CACNA2D1: variants seen among roughly 807,000 people sequenced by gnomAD.
CACNA2D1 encodes voltage-dependent calcium channel subunit alpha-2/delta-1.
A neutral mutation model predicts 171.5 loss-of-function variants in CACNA2D1; 53 were observed. The ratio of observed to expected loss-of-function variants is 0.31; its 90% CI spans 0.25 to 0.39. CACNA2D1 has a LOEUF of 0.39. CACNA2D1 is among the 10% of genes least tolerant of loss of function. CACNA2D1 has a pLI of 1.00. For synonymous variants in CACNA2D1, 442 were observed against 443.1 expected (o/e 1.00, Z 0.03); for missense variants, 903 against 1,299.8 (o/e 0.69, Z 4.69).
chr7:82,136,334 A>G (rs2129077655), intron 5 of CACNA2D1, among the ~76,000 whole-genome samples: 1 of 152,144 alleles, frequency 6.6e-6, no homozygotes, highest in South Asian at 2.1e-4. Context: ...TTGGATAGCT[A>G]TTTTCAATAT....
At chr7:82,313,859 A>T (rs773557584) in intron 3 of CACNA2D1, among the ~76,000 whole-genome samples, 3 of 152,162 alleles carry the variant, frequency 2.0e-5, no homozygotes, top group Non-Finnish European at 4.4e-5. Flanking sequence ...TCTCATTCTC[A>T]TATTTCCTAC....
At chr7:82,001,009 G>T (rs1176757986) in intron 18 of CACNA2D1, among the ~76,000 whole-genome samples, 1 of 151,690 alleles carries the variant, frequency 6.6e-6, no homozygotes, top group Non-Finnish European at 1.5e-5. Context: ...TTGAAATTCT[G>T]AAATTCTCTT....
intron 6 of CACNA2D1, among the ~76,000 whole-genome samples, chr7:82,107,366 C>T (rs529741913): frequency 8.5e-5 from 13 of 152,184 alleles, no homozygotes; most frequent in Admixed American, 8.5e-4. Flanking sequence ...CAAGGCCCGC[C>T]ATCTACCCAG....
intron 3 of CACNA2D1, among the ~76,000 whole-genome samples, chr7:82,195,606 C>A (rs762258227): frequency 1.3e-5 from 2 of 151,660 alleles, no homozygotes; most frequent in Non-Finnish European, 2.9e-5. Flanking sequence ...CTGTCTCTAA[C>A]CCAACATGTT....
At chr7:82,088,760 ATATTG>A (rs1247712221) in intron 6 of CACNA2D1, among the ~76,000 whole-genome samples, 2 of 152,212 alleles carry the variant, frequency 1.3e-5, no homozygotes, top group South Asian at 2.1e-4. Flanking sequence ...ATTTAAAATT[ATATTG>A]TATTTTATAT....
intron 3 of CACNA2D1, among the ~76,000 whole-genome samples, chr7:82,329,827 G>C (rs985027297): frequency 2.0e-5 from 3 of 152,060 alleles, no homozygotes; most frequent in Non-Finnish European, 4.4e-5. Context: ...TTCAAATTAT[G>C]AATGTGGGTT....
chr7:82,271,773 A>G (rs1808664754), intron 3 of CACNA2D1, among the ~76,000 whole-genome samples: 1 of 152,156 alleles, frequency 6.6e-6, no homozygotes, highest in African/African-American at 2.4e-5. Context: ...GCTAATTACA[A>G]TGGAAAACTC....
intron 10 of CACNA2D1, among the ~76,000 whole-genome samples, chr7:82,044,471 T>C (rs1256983210): frequency 6.6e-6 from 1 of 152,180 alleles, no homozygotes; most frequent in Non-Finnish European, 1.5e-5. Context: ...GCAAAAATAA[T>C]AATTCAAATC....
chr7:82,198,674 T>A (rs1585075277), intron 3 of CACNA2D1, among the ~76,000 whole-genome samples: 1 of 152,090 alleles, frequency 6.6e-6, no homozygotes, highest in South Asian at 2.1e-4. Context: ...GAACTTTTTT[T>A]TTTTTTTTTA....
intron 21 of CACNA2D1, among the ~76,000 whole-genome samples, chr7:81,990,755 C>G (rs371918206): frequency 6.6e-6 from 1 of 151,986 alleles, no homozygotes; most frequent in East Asian, 1.9e-4. Context: ...GGAGGAATCA[C>G]AATATTATAG....
intron 5 of CACNA2D1, among the ~76,000 whole-genome samples, chr7:82,117,656 C>CTGG (rs1389906610): frequency 1.3e-5 from 2 of 152,046 alleles, no homozygotes; most frequent in African/African-American, 4.8e-5. Context: ...GACATGGCAG[C>CTGG]ACAGGCCTGT....
intron 10 of CACNA2D1, among the ~76,000 whole-genome samples, chr7:82,038,838 G>A (rs910726935): frequency 6.6e-6 from 1 of 152,164 alleles, no homozygotes. Context: ...CAAGGTGATG[G>A]AGCCCTGAAC....
intron 3 of CACNA2D1, among the ~76,000 whole-genome samples, chr7:82,320,855 T>G (rs1031344771): frequency 6.6e-6 from 1 of 152,022 alleles, no homozygotes; most frequent in East Asian, 1.9e-4. Flanking sequence ...CAGTAGGAGA[T>G]AGCTAAATAA....
intron 7 of CACNA2D1, among the ~76,000 whole-genome samples, chr7:82,083,742 T>C (rs1209858951): frequency 6.6e-6 from 1 of 152,164 alleles, no homozygotes; most frequent in African/African-American, 2.4e-5. Flanking sequence ...AGAAGTTATA[T>C]GGTTTTTACC....
At chr7:82,114,976 T>C (rs935259077) in intron 6 of CACNA2D1, among the ~76,000 whole-genome samples, 3 of 152,108 alleles carry the variant, frequency 2.0e-5, no homozygotes, top group Non-Finnish European at 1.5e-5. Flanking sequence ...CATTTATAAA[T>C]TACTAAATTT....
chr7:82,348,234 T>C (rs975436340), intron 2 of CACNA2D1, among the ~76,000 whole-genome samples: 2 of 152,168 alleles, frequency 1.3e-5, no homozygotes, highest in Admixed American at 1.3e-4. Flanking sequence ...GGTACTTCCA[T>C]AAACTCCATG....
intron 3 of CACNA2D1, among the ~76,000 whole-genome samples, chr7:82,292,161 C>T (rs995493895): frequency 3.3e-5 from 5 of 152,068 alleles, no homozygotes; most frequent in Admixed American, 6.6e-5. Context: ...CTTTATTTTA[C>T]AACTTATTGA....
intron 5 of CACNA2D1, among the ~76,000 whole-genome samples, chr7:82,132,155 A>G (rs1177787772): frequency 1.3e-5 from 2 of 152,110 alleles, no homozygotes; most frequent in Non-Finnish European, 2.9e-5. Flanking sequence ...ATTAGAAAAA[A>G]CTCAGTACAG....
chr7:82,005,335 C>T (rs1040412546), intron 18 of CACNA2D1, 88 bp downstream of exon 18: 19 of 822,566 alleles, frequency 2.3e-5, no homozygotes, highest in East Asian at 8.0e-5. Context: ...TAGTGTTATA[C>T]GGTAAATTTT....
Sources: gnomAD v4.1 joint callset for allele counts (sites outside exome capture counted in the v4.1 genomes callset) on GRCh38, gnomAD v4.1.1 for gene constraint, MANE v1.5 for transcripts, NCBI Gene and HGNC (gene_info 2026-07-23, HGNC 2026-07-21) for gene names.